RAD23A: variants seen among roughly 807,000 people sequenced by gnomAD.
The protein encoded by RAD23A is lysine-specific demethylase RAD23A.
In RAD23A, 16 loss-of-function variants were observed where a neutral mutation model predicts 44.8. The observed-to-expected ratio is 0.36, with a 90% CI of 0.24 to 0.54. RAD23A has a LOEUF of 0.54. Ranked by LOEUF, RAD23A falls within the 20% of genes least tolerant of loss-of-function variation. The probability of loss-of-function intolerance (pLI) is 0.89; values close to 1 mark genes in which losing one functional copy is unlikely to be tolerated. For synonymous variants in RAD23A, 217 were observed against 202.9 expected (o/e 1.07, Z -0.59); for missense variants, 380 against 483.3 (o/e 0.79, Z 2.00).
intron 7 of RAD23A, among the ~76,000 whole-genome samples, chr19:12,950,623 A>T (rs550354152): frequency 3.9e-5 from 6 of 152,084 alleles, no homozygotes; most frequent in African/African-American, 1.4e-4. Flanking sequence ...GGATGGTCTC[A>T]ATCTCCTGAC....
Position 12,949,258 on chromosome 19 carries a change from C to T in RAD23A, c.680-17C>T, listed in dbSNP as rs1171569783. 1 of 1,613,986 alleles carries T rather than the reference C, an allele frequency of 6.2e-7. No individual in the cohort carries two copies. The highest frequency in any genetic ancestry group is 8.5e-7 in the Non-Finnish European group (1 of 1,179,876). On this transcript the variant is annotated splice_polypyrimidine_tract_variant and intron_variant, in intron 6 of 8. Coordinates refer to ENST00000586534, the MANE Select transcript of RAD23A (RefSeq NM_005053.4). ...GAGCCCGGCGTGGTGTCTGACTGCA[C>T]CCCTTCCTACTACCAGCAGGAGAGA...
At chr19:12,946,201 A>G (rs543944272) in intron 1 of RAD23A, among the ~76,000 whole-genome samples, 181 bp downstream of exon 1, 1 of 152,174 alleles carries the variant, frequency 6.6e-6, no homozygotes, top group East Asian at 1.9e-4. Flanking sequence ...CCCCCAGCCG[A>G]TCGGGCGGCG....
At chr19:12,947,444 T>C (rs762658201) in intron 1 of RAD23A, among the ~76,000 whole-genome samples, 2 of 152,228 alleles carry the variant, frequency 1.3e-5, no homozygotes, top group Non-Finnish European at 2.9e-5. Flanking sequence ...AAAATATCAC[T>C]ATTAACTATT....
At chr19:12,947,812 G>C (rs772276541) in intron 1 of RAD23A, 36 bp from the exon 2 acceptor site, 1 of 1,602,378 alleles carries the variant, frequency 6.2e-7, no homozygotes, top group Non-Finnish European at 8.5e-7. Context: ...AGAGAATCTT[G>C]GGGTCTCCAG....
chr19:12,946,411 C>T (rs1042208941), intron 1 of RAD23A, among the ~76,000 whole-genome samples: 2 of 152,200 alleles, frequency 1.3e-5, no homozygotes, highest in African/African-American at 4.8e-5. Context: ...GAGTAATGAC[C>T]AGGAGATACT....
chr19:12,947,717 A>G, intron 1 of RAD23A, 131 bp from the exon 2 acceptor site: 1 of 783,078 alleles, frequency 1.3e-6, no homozygotes, highest in Non-Finnish European at 2.1e-6. Flanking sequence ...CATGCTTTAG[A>G]TGCTGAGAAA....
rs780785769 is a variant in RAD23A, at chr19:12,953,065, C to G, written c.*16C>G. The G allele has an allele frequency of 6.9e-6, 11 of 1,585,412 alleles. No homozygotes were observed. The African/African-American group carries it at 1.2e-4, about 17-fold the overall frequency. On this transcript the variant is annotated 3_prime_UTR_variant, in exon 9 of 9. Coordinates refer to ENST00000586534, the MANE Select transcript of RAD23A (RefSeq NM_005053.4). Reference sequence around the variant, plus strand: ...TGACGAGTGATGCCAGGAAGCCAGGCCACCGAAGCCCCCACCCTACCCTTA... The same window carrying G: ...TGACGAGTGATGCCAGGAAGCCAGGGCACCGAAGCCCCCACCCTACCCTTA...
Position 12,948,220 on chromosome 19 carries a change from C to G in RAD23A, c.278C>G (p.Pro93Arg), listed in dbSNP as rs781356707. 6.2e-7 allele frequency: 1 copy of G among 1,614,102 alleles called. No homozygotes were observed. The highest frequency in any genetic ancestry group is 1.7e-5 in the Admixed American group (1 of 60,008). The stretch of plus-strand genomic sequence containing the variant: ...ACCTCAGCACCCCCAGAGGCCTCAC[C>G]CACAGCTGCCCCAGAGTCCTCTACA... ...QGTSAPPEAS[P>R]TAAPESSTSF... Residue 93 changes from proline to arginine, a missense_variant, in exon 3 of 9, where the codon CCC (proline) becomes CGC (arginine). Pro to Arg is a moderately radical substitution (Grantham distance 103). Coordinates refer to ENST00000586534, the MANE Select transcript of RAD23A (RefSeq NM_005053.4). This position sits in a 1 kb window ranked among gnomAD's most constrained non-coding sequence, Gnocchi z 5.5.
chr19:12,948,251 C>G lies in RAD23A; in HGVS notation c.309C>G (p.Phe103Leu). ...CTGCCCCAGAGTCCTCTACATCCTT[C>G]CCGCCTGCCCCCACCTCAGGCATGT... is the stretch of plus-strand genomic sequence containing the variant. Reference protein sequence around the residue: ...PTAAPESSTSFPPAPTSGMSH... With the variant: ...PTAAPESSTSLPPAPTSGMSH... Residue 103 changes from phenylalanine (F) to leucine (L), a missense_variant, in exon 3 of 9, where the codon TTC becomes TTG. Transcript: ENST00000586534. The surrounding 1 kb of genome is among the most constrained non-coding windows in gnomAD (Gnocchi z 5.5). 6.2e-7 allele frequency: 1 copy of G among 1,613,992 alleles called. No individual in the cohort carries two copies. Among genetic ancestry groups the G allele is most frequent in the Non-Finnish European group, 8.5e-7 (1 of 1,179,930 alleles).
intron 7 of RAD23A, chr19:12,952,375 A>T: frequency 4.1e-6 from 1 of 245,236 alleles, no homozygotes; most frequent in South Asian, 5.5e-5. Flanking sequence ...TATTCTTAGT[A>T]GAGATGGGGG....
At chr19:12,952,470 G>C (rs551755676) in intron 7 of RAD23A, 30 of 538,622 alleles carry the variant, frequency 5.6e-5, no homozygotes, top group Non-Finnish European at 8.1e-5. Flanking sequence ...GGGATTACAG[G>C]TGTGAGCCAC....
At chr19:12,947,088 T>A (rs1276361538) in intron 1 of RAD23A, among the ~76,000 whole-genome samples, 1 of 152,112 alleles carries the variant, frequency 6.6e-6, no homozygotes, top group African/African-American at 2.4e-5. Flanking sequence ...ATTAAACGTA[T>A]TTCATAGGAA....
Position 12,948,438 on chromosome 19 carries a change from C to T in RAD23A, c.417-59C>T, listed in dbSNP as rs576403529. 4.3e-5 allele frequency: 67 copies of T among 1,550,490 alleles called. No individual in the cohort carries two copies. In the East Asian group the frequency reaches 1.4e-3, roughly 32 times the overall value. On this transcript the variant is annotated intron_variant, in intron 3 of 8. Coordinates refer to ENST00000586534, the MANE Select transcript of RAD23A (RefSeq NM_005053.4). The surrounding 1 kb of genome is among the most constrained non-coding windows in gnomAD (Gnocchi z 5.5). The stretch of plus-strand genomic sequence containing the variant: ...CGTCCACATAAGTGGTCCCACACAC[C>T]TGGAGGGAGGGCAAGCCGCCAGAAG...
intron 1 of RAD23A, among the ~76,000 whole-genome samples, chr19:12,946,371 T>C (rs1458847196): frequency 6.6e-6 from 1 of 152,116 alleles, no homozygotes; most frequent in Non-Finnish European, 1.5e-5. Flanking sequence ...TTTGCAGGCG[T>C]CTCCTTGGGA....
At position 12,948,775 on chromosome 19, in the gene RAD23A, TACA is replaced by T; in HGVS notation, c.568_570del (p.Asn190del). 1 of 1,612,274 alleles carries T rather than the reference TACA, an allele frequency of 6.2e-7. No individual in the cohort carries two copies. The highest frequency in any genetic ancestry group is 8.5e-7 in the Non-Finnish European group (1 of 1,179,542). On this transcript the variant is annotated inframe_deletion, in exon 5 of 9. Transcript: ENST00000586534. The surrounding 1 kb of genome is among the most constrained non-coding windows in gnomAD (Gnocchi z 5.5). ...GGTCGTGGCCGCCCTGAGAGCCAGCTACAACAACCCCCACCGAGCCGTGGAGTA... is the reference window on the plus strand; with the variant it reads ...GGTCGTGGCCGCCCTGAGAGCCAGCTACAACCCCCACCGAGCCGTGGAGTA...
intron 5 of RAD23A, 71 bp from the exon 6 acceptor site, chr19:12,949,010 G>A (rs1971736591): frequency 3.2e-6 from 5 of 1,560,192 alleles, no homozygotes; most frequent in Non-Finnish European, 4.4e-6. Flanking sequence ...CCTCATCTGT[G>A]TCCTGCCAGG....
chr19:12,948,834 C>T lies in RAD23A; in HGVS notation c.600+21C>T, dbSNP rs775193985. On this transcript the variant is annotated intron_variant, in intron 5 of 8. Transcript: ENST00000586534. The surrounding 1 kb of genome is among the most constrained non-coding windows in gnomAD (Gnocchi z 5.5). ...TCACGGTGAGGTGGGGCTTCCGCCT[C>T]CCGGGGAGGCCTTGAGGGAGTACCC... 8.8e-6 allele frequency: 14 copies of T among 1,582,922 alleles called. 1 individual carries two copies. The South Asian group carries it at 1.6e-4, about 18-fold the overall frequency.
In RAD23A at chr19:12,948,069, C is replaced by G; in HGVS notation, c.234+60C>G. 6.2e-7 allele frequency: 1 copy of G among 1,607,994 alleles called. No individual in the cohort carries two copies. The highest frequency in any genetic ancestry group is 8.5e-7 in the Non-Finnish European group (1 of 1,176,862). On this transcript the variant is annotated intron_variant, in intron 2 of 8. Coordinates refer to ENST00000586534, the MANE Select transcript of RAD23A (RefSeq NM_005053.4). The surrounding 1 kb of genome is among the most constrained non-coding windows in gnomAD (Gnocchi z 5.5). ...ACGAGCTGGGGAGCTGGCAAAGAGC[C>G]TGTGTGCCCAGGAGAGATTAGCTGT...
At position 12,945,892 on chromosome 19, in the gene RAD23A, G is replaced by A; in HGVS notation, c.-57G>A. 31 of 1,566,836 alleles carry A rather than the reference G, an allele frequency of 2.0e-5. No individual in the cohort carries two copies. Among genetic ancestry groups the A allele is most frequent in the Non-Finnish European group, 2.7e-5 (31 of 1,147,224 alleles). On this transcript the variant is annotated 5_prime_UTR_variant, in exon 1 of 9. Transcript: ENST00000586534. ...GCGCCTGGGCGCTAAGATGGCGGCGGCGTGAGTTGCATGTTGTGTGAGGAT... is the reference window on the plus strand; with the variant it reads ...GCGCCTGGGCGCTAAGATGGCGGCGACGTGAGTTGCATGTTGTGTGAGGAT...
Sources: allele counts gnomAD v4.1 joint callset (sites outside exome capture counted in the v4.1 genomes callset), GRCh38; gene constraint gnomAD v4.1.1; non-coding constraint Gnocchi (gnomAD v3.1); transcripts MANE v1.5; gene names NCBI Gene and HGNC (gene_info 2026-07-23, HGNC 2026-07-21).